SLC35F1: variants seen among roughly 807,000 people sequenced by gnomAD.
SLC35F1 encodes solute carrier family 35 member F1.
In SLC35F1, 14 loss-of-function variants were observed where a neutral mutation model predicts 48.7. The observed-to-expected ratio is 0.29, with a 90% CI of 0.19 to 0.45. SLC35F1 has a LOEUF of 0.45. SLC35F1 is among the 20% of genes least tolerant of loss of function. The pLI is 1.00. For missense variants in SLC35F1, 404 were observed against 500.0 expected, an observed-to-expected ratio of 0.81 and a Z score of 1.83; for synonymous variants, 190 against 202.2, an observed-to-expected ratio of 0.94 and a Z score of 0.51.
At chr6:117,930,014 C>T (rs1776079144) in intron 1 of SLC35F1, among the ~76,000 whole-genome samples, 1 of 152,192 alleles carries the variant, frequency 6.6e-6, no homozygotes, top group Non-Finnish European at 1.5e-5. Context: ...GAGCCAGAGA[C>T]ATCTGCTAAA....
chr6:118,257,565 T>C (rs1775661858), intron 3 of SLC35F1, among the ~76,000 whole-genome samples: 1 of 152,178 alleles, frequency 6.6e-6, no homozygotes, highest in Non-Finnish European at 1.5e-5. Context: ...TACAACCAAT[T>C]TGACCTACAA....
At chr6:118,223,476 A>G (rs1174004019) in intron 2 of SLC35F1, among the ~76,000 whole-genome samples, 1 of 152,230 alleles carries the variant, frequency 6.6e-6, no homozygotes, top group Non-Finnish European at 1.5e-5. Flanking sequence ...TATGTGGCAG[A>G]GTCAGTACTT....
At chr6:118,202,728 T>C (rs1409083815) in intron 2 of SLC35F1, among the ~76,000 whole-genome samples, 1 of 152,018 alleles carries the variant, frequency 6.6e-6, no homozygotes, top group Non-Finnish European at 1.5e-5. Flanking sequence ...ACAAATACAA[T>C]AGGTGATTTC....
intron 7 of SLC35F1, among the ~76,000 whole-genome samples, chr6:118,309,314 T>C (rs1776347948): frequency 6.6e-6 from 1 of 151,992 alleles, no homozygotes; most frequent in African/African-American, 2.4e-5. Context: ...TAGCTAGGAC[T>C]ACAGGCATGC....
intron 3 of SLC35F1, among the ~76,000 whole-genome samples, chr6:118,243,869 A>G (rs1162990910): frequency 1.3e-5 from 2 of 152,182 alleles, no homozygotes; most frequent in Admixed American, 1.3e-4. Flanking sequence ...GGACTATGGA[A>G]GTTTAATGAC....
Position 118,221,194 on chromosome 6 carries a change from G to T in SLC35F1, c.350-14315G>T, listed in dbSNP as rs142399688. 3.3e-5 allele frequency among the ~76,000 whole-genome samples: 5 copies of T among 152,190 alleles called. No individual in the cohort carries two copies. In the East Asian group the frequency reaches 9.6e-4, roughly 29 times the overall value. On this transcript the variant is annotated intron_variant, in intron 2 of 7. Transcript: ENST00000360388. ...TTAGCTTCTGAAGCTTCCATACTGGGTACAGATACTGCGCTACCCCAACAA... is the reference window on the plus strand; with the variant it reads ...TTAGCTTCTGAAGCTTCCATACTGGTTACAGATACTGCGCTACCCCAACAA...
chr6:117,944,168 A>G (rs1347393872), intron 1 of SLC35F1, among the ~76,000 whole-genome samples: 10 of 152,262 alleles, frequency 6.6e-5, no homozygotes, highest in Non-Finnish European at 1.3e-4. Flanking sequence ...CTATTCAAAT[A>G]TAAAACTTGA....
chr6:118,161,095 T>C (rs1387442647), intron 2 of SLC35F1, among the ~76,000 whole-genome samples: 1 of 151,146 alleles, frequency 6.6e-6, no homozygotes, highest in Non-Finnish European at 1.5e-5. Flanking sequence ...TTAGAAGAAA[T>C]AGAGAATTTC....
intron 1 of SLC35F1, among the ~76,000 whole-genome samples, chr6:117,965,873 G>A (rs1046840085): frequency 4.6e-5 from 7 of 151,758 alleles, no homozygotes; most frequent in African/African-American, 4.8e-5. Flanking sequence ...ACCAATCAGC[G>A]CTATGTCTAA....
At chr6:117,952,339 G>C (rs910458705) in intron 1 of SLC35F1, among the ~76,000 whole-genome samples, 1 of 152,118 alleles carries the variant, frequency 6.6e-6, no homozygotes, top group Non-Finnish European at 1.5e-5. Flanking sequence ...TGTACCATGG[G>C]GCTGCTCCTC....
intron 1 of SLC35F1, among the ~76,000 whole-genome samples, chr6:118,129,289 G>C (rs1339017461): frequency 6.6e-6 from 1 of 152,168 alleles, no homozygotes; most frequent in Non-Finnish European, 1.5e-5. Context: ...CTCTAAGGAA[G>C]AGAATGGGGT....
At chr6:117,977,104 CTT>C (rs1365602329) in intron 1 of SLC35F1, among the ~76,000 whole-genome samples, 1 of 152,042 alleles carries the variant, frequency 6.6e-6, no homozygotes, top group African/African-American at 2.4e-5. Context: ...CTTTGTAAGT[CTT>C]TGATGATACA....
intron 1 of SLC35F1, among the ~76,000 whole-genome samples, chr6:117,939,177 T>C (rs181396488): frequency 1.3e-5 from 2 of 152,100 alleles, no homozygotes; most frequent in African/African-American, 4.8e-5. Context: ...TTTTTAAAAT[T>C]TGTTGGTATT....
intron 1 of SLC35F1, among the ~76,000 whole-genome samples, chr6:118,147,257 C>G (rs1175252611): frequency 6.6e-6 from 1 of 152,302 alleles, no homozygotes; most frequent in Non-Finnish European, 1.5e-5. Flanking sequence ...GTTCCAGTTG[C>G]TCATGAGTGG....
Position 117,975,707 on chromosome 6 carries a change from C to T in SLC35F1, c.173+67808C>T, listed in dbSNP as rs115954104. 3.0e-3 allele frequency among the ~76,000 whole-genome samples: 458 copies of T among 152,294 alleles called. 3 individuals are homozygous for T. The highest frequency in any genetic ancestry group is 0.01 in the African/African-American group (434 of 41,558). ...GAACTTATTCTGTTCTACAAGTGCTCTGTGCTATGCTGAAGTTGTAGTCTG... is the reference window on the plus strand; with the variant it reads ...GAACTTATTCTGTTCTACAAGTGCTTTGTGCTATGCTGAAGTTGTAGTCTG... On this transcript the variant is annotated intron_variant, in intron 1 of 7. Coordinates refer to ENST00000360388, the MANE Select transcript of SLC35F1 (RefSeq NM_001029858.4).
chr6:118,065,591 T>TA (rs1281311490), intron 1 of SLC35F1, among the ~76,000 whole-genome samples: 5 of 152,106 alleles, frequency 3.3e-5, no homozygotes, highest in African/African-American at 1.2e-4. Flanking sequence ...AAAAGCTGCA[T>TA]AAAAAACCTG....
At chr6:117,959,748 G>A (rs1158859857) in intron 1 of SLC35F1, among the ~76,000 whole-genome samples, 1 of 152,018 alleles carries the variant, frequency 6.6e-6, no homozygotes, top group African/African-American at 2.4e-5. Context: ...AAGTTTCGAC[G>A]TATAATACCT....
chr6:118,272,331 A>G (rs1466748187), intron 4 of SLC35F1, among the ~76,000 whole-genome samples: 2 of 152,160 alleles, frequency 1.3e-5, no homozygotes, highest in Non-Finnish European at 2.9e-5. Flanking sequence ...GAGGGAGAGA[A>G]CTATCGGTTT....
At chr6:118,078,155 G>C (rs1270977716) in intron 1 of SLC35F1, among the ~76,000 whole-genome samples, 1 of 152,050 alleles carries the variant, frequency 6.6e-6, no homozygotes, top group East Asian at 1.9e-4. Context: ...TCATGGATGA[G>C]AGAAATACTC....
Sources: allele counts gnomAD v4.1 joint callset (sites outside exome capture counted in the v4.1 genomes callset), GRCh38; gene constraint gnomAD v4.1.1; transcripts MANE v1.5; gene names NCBI Gene and HGNC (gene_info 2026-07-23, HGNC 2026-07-21).